Variants in CCS observed in about 807,000 individuals in gnomAD.
CCS encodes the protein superoxide dismutase copper chaperone.
A neutral mutation model predicts 35.5 loss-of-function variants in CCS; 32 were observed. That is an observed-to-expected ratio of 0.90 (90% CI 0.68 to 1.21). CCS has a LOEUF of 1.21. Among genes scored for constraint, CCS ranks in the 50% most tolerant of loss-of-function variants. CCS has a pLI of 0.00. For missense variants in CCS, 342 were observed against 375.4 expected, an observed-to-expected ratio of 0.91 and a Z score of 0.73; for synonymous variants, 130 against 147.2, an observed-to-expected ratio of 0.88 and a Z score of 0.84.
At chr11:66,601,202 C>T (rs1459164223) in intron 5 of CCS, among the ~76,000 whole-genome samples, 1 of 152,184 alleles carries the variant, frequency 6.6e-6, no homozygotes, top group Non-Finnish European at 1.5e-5. Context: ...AAACGATTCT[C>T]CTGCCTCAGC....
intron 3 of CCS, 35 bp from the exon 4 acceptor site, chr11:66,599,424 G>A (rs750626896): frequency 3.3e-6 from 5 of 1,512,500 alleles, no homozygotes; most frequent in South Asian, 1.3e-5. Context: ...GCTGGGTGAG[G>A]TGGCAAGCCA....
intron 5 of CCS, among the ~76,000 whole-genome samples, chr11:66,603,706 C>G (rs182086218): frequency 6.6e-6 from 1 of 152,108 alleles, no homozygotes; most frequent in African/African-American, 2.4e-5. Context: ...ATTAGCCAGG[C>G]GTGGTGGCGG....
intron 2 of CCS, 41 bp downstream of exon 2, chr11:66,593,755 C>A: frequency 6.4e-7 from 1 of 1,571,896 alleles, no homozygotes; most frequent in Non-Finnish European, 8.8e-7. Context: ...GTCCAGAAGC[C>A]TCTGGGAGGG....
chr11:66,604,236 A>G (rs1245300896), intron 5 of CCS, among the ~76,000 whole-genome samples: 1 of 152,064 alleles, frequency 6.6e-6, no homozygotes. Context: ...TATCAAAACA[A>G]AACAAAACAA....
chr11:66,604,219 G>A (rs1364250616), intron 5 of CCS, among the ~76,000 whole-genome samples: 1 of 152,046 alleles, frequency 6.6e-6, no homozygotes, highest in Non-Finnish European at 1.5e-5. Flanking sequence ...ATTGCAATGA[G>A]ACTTTGTATC....
rs1858630357 is a variant in CCS, at chr11:66,604,987, G to C, written c.490-352G>C. ...ACTGGAGGCTGAGAAGCAGAGCTGG[G>C]CAATTGCCTCGCCGGAAAAACAGTC... On this transcript the variant is annotated intron_variant, in intron 5 of 7. Coordinates refer to ENST00000533244, the MANE Select transcript of CCS (RefSeq NM_005125.2). Among the ~76,000 whole-genome samples, 3 of 152,210 alleles carry C rather than the reference G, an allele frequency of 2.0e-5. 1 individual carries two copies. In the South Asian group the frequency reaches 6.2e-4, roughly 31 times the overall value.
At chr11:66,600,286 A>G in intron 4 of CCS, 2 of 397,496 alleles carry the variant, frequency 5.0e-6, no homozygotes, top group South Asian at 1.1e-4. Flanking sequence ...CTCATCTGTG[A>G]GTCCCCTGAG....
Position 66,599,471 on chromosome 11 carries a change from C to A in CCS, c.263C>A (p.Ala88Glu), listed in dbSNP as rs1386105144. The A allele has an allele frequency of 1.3e-6, 2 of 1,534,498 alleles. No individual in the cohort carries two copies. Among genetic ancestry groups the A allele is most frequent in the South Asian group, 1.3e-5 (1 of 78,618 alleles). The change falls in exon 4 of 8, where the codon GCA (alanine) becomes GAA (glutamate). Residue 88 changes from alanine (A) to glutamate (E), a missense_variant. Ala to Glu is a moderately radical substitution (Grantham distance 107). Transcript: ENST00000533244. ...MGSGQLQNLG[A>E]AVAILGGPGT... The stretch of plus-strand genomic sequence containing the variant: ...TAATACCTTGCAGAGAATCTGGGGG[C>A]AGCAGTGGCCATCCTGGGGGGGCCT...
At chr11:66,602,009 C>T (rs1263441767) in intron 5 of CCS, among the ~76,000 whole-genome samples, 2 of 152,138 alleles carry the variant, frequency 1.3e-5, no homozygotes, top group Non-Finnish European at 2.9e-5. Flanking sequence ...GCTGGGATTA[C>T]AGGCATGAGC....
chr11:66,597,682 G>A (rs2134980131), intron 2 of CCS, among the ~76,000 whole-genome samples: 1 of 151,792 alleles, frequency 6.6e-6, no homozygotes, highest in Non-Finnish European at 1.5e-5. Flanking sequence ...AACCCAGGAG[G>A]TGAAGCTTGC....
chr11:66,594,310 G>A, intron 2 of CCS, among the ~76,000 whole-genome samples: 1 of 152,160 alleles, frequency 6.6e-6, no homozygotes, highest in East Asian at 1.9e-4. Context: ...AGTTAGCCGA[G>A]ATCGCGCCAC....
chr11:66,602,643 G>C (rs1472117345), intron 5 of CCS, among the ~76,000 whole-genome samples: 3 of 151,470 alleles, frequency 2.0e-5, no homozygotes, highest in African/African-American at 7.2e-5. Context: ...AGTGGGATTG[G>C]CAAGCCCAGC....
At chr11:66,603,708 TG>T (rs1858606307) in intron 5 of CCS, among the ~76,000 whole-genome samples, 2 of 152,140 alleles carry the variant, frequency 1.3e-5, no homozygotes, top group East Asian at 3.8e-4. Flanking sequence ...TAGCCAGGCG[TG>T]GTGGCGGGCG....
Position 66,605,547 on chromosome 11 carries a change from G to A in CCS, c.626G>A (p.Arg209Gln), listed in dbSNP as rs1858642313. The change falls in exon 7 of 8, where the codon CGG becomes CAG. Residue 209 changes from arginine (R) to glutamine (Q), a missense_variant. Transcript: ENST00000533244. ...IIDEGEDDLGRGGHPLSKITG... is the reference protein window; with the variant it reads ...IIDEGEDDLGQGGHPLSKITG... ...GATGAGGGAGAAGATGACCTGGGCC[G>A]GGGAGGCCATCCCTTATCCAAGATC... The A allele has an allele frequency of 1.2e-5, 20 of 1,613,486 alleles. No individual in the cohort carries two copies. The East Asian group carries it at 1.6e-4, about 13-fold the overall frequency.
chr11:66,593,189 C>A lies in CCS; in HGVS notation c.-73C>A, dbSNP rs529841224. On this transcript the variant is annotated 5_prime_UTR_variant, in exon 1 of 8. Coordinates refer to ENST00000533244, the MANE Select transcript of CCS (RefSeq NM_005125.2). ...TAAGGGTGGCTTTAGAGGCTCAGTC[C>A]CCGCGACGCCGCGCTGGTTGGTGCT... The A allele has an allele frequency of 2.0e-6, 3 of 1,519,846 alleles. No individual in the cohort carries two copies. The highest frequency in any genetic ancestry group is 1.2e-5 in the South Asian group (1 of 83,136). 94.1% of individuals were successfully genotyped at this position (1,519,846 alleles called of 1,614,324 possible).
At position 66,605,475 on chromosome 11, in the gene CCS, G is replaced by A. The variant is rs369391684; in HGVS notation, c.568-14G>A. On this transcript the variant is annotated splice_polypyrimidine_tract_variant and intron_variant, in intron 6 of 7. Transcript: ENST00000533244. ...ACAGGGTCCATCATCTGAAGCTGTC[G>A]TCTCCCCTCAAAGGTGTGGGATGTG... The A allele has an allele frequency of 3.6e-5, 58 of 1,613,596 alleles. No homozygotes were observed. In the African/African-American group the frequency reaches 3.7e-4, roughly 10 times the overall value.
At chr11:66,605,176 T>C in intron 5 of CCS, 163 bp from the exon 6 acceptor site, 1 of 1,538,098 alleles carries the variant, frequency 6.5e-7, no homozygotes, top group African/African-American at 1.4e-5. Context: ...GGACCTTGCC[T>C]GCCCAGTCCT....
chr11:66,603,868 C>T (rs925549820), intron 5 of CCS, among the ~76,000 whole-genome samples: 1 of 149,446 alleles, frequency 6.7e-6, no homozygotes, highest in Non-Finnish European at 1.5e-5. Flanking sequence ...CAAAACAAAA[C>T]AAAACAAAAG....
intron 2 of CCS, among the ~76,000 whole-genome samples, chr11:66,594,300 A>T (rs1858435946): frequency 6.6e-6 from 1 of 152,154 alleles, no homozygotes; most frequent in Non-Finnish European, 1.5e-5. Context: ...CGGAGCTTGC[A>T]GTTAGCCGAG....
Sources: allele counts gnomAD v4.1 joint callset (sites outside exome capture counted in the v4.1 genomes callset), GRCh38; gene constraint gnomAD v4.1.1; transcripts MANE v1.5; gene names NCBI Gene and HGNC (gene_info 2026-07-23, HGNC 2026-07-21).